LVRN: variants seen among roughly 807,000 people sequenced by gnomAD.
The protein encoded by LVRN is aminopeptidase Q.
Under a neutral mutation model 111.4 loss-of-function variants are expected in LVRN, and 99 were observed. The observed-to-expected ratio is 0.89, with a 90% CI of 0.76 to 1.05. LVRN has a LOEUF of 1.05. Ranked by LOEUF, LVRN falls within the 50% of genes least tolerant of loss-of-function variation. The pLI is 0.00. For missense variants in LVRN, 1,414 were observed against 1,206.8 expected (o/e 1.17, Z -2.54); for synonymous variants, 488 against 449.5 (o/e 1.09, Z -1.08).
chr5:116,012,953 G>A (rs538048303), intron 15 of LVRN, among the ~76,000 whole-genome samples: 1 of 152,128 alleles, frequency 6.6e-6, no homozygotes, highest in Non-Finnish European at 1.5e-5. Flanking sequence ...TTTCACAAAT[G>A]ACTTTCATAT....
At chr5:116,019,227 A>G (rs1177943797) in intron 18 of LVRN, among the ~76,000 whole-genome samples, 1 of 152,246 alleles carries the variant, frequency 6.6e-6, no homozygotes, top group African/African-American at 2.4e-5. Context: ...TAAACATAGA[A>G]AAGATAATGT....
At chr5:116,014,923 C>G (rs1484595698) in intron 16 of LVRN, among the ~76,000 whole-genome samples, 2 of 152,128 alleles carry the variant, frequency 1.3e-5, no homozygotes, top group African/African-American at 4.8e-5. Flanking sequence ...CTCTGAAACT[C>G]TCATTTTGGT....
At chr5:116,024,209 A>T (rs1298484496) in intron 19 of LVRN, among the ~76,000 whole-genome samples, 2 of 152,174 alleles carry the variant, frequency 1.3e-5, no homozygotes, top group Non-Finnish European at 2.9e-5. Context: ...GTTTAAGTAG[A>T]TCTAGTTTAT....
intron 1 of LVRN, among the ~76,000 whole-genome samples, chr5:115,971,625 T>C (rs562288445): frequency 6.6e-6 from 1 of 152,238 alleles, no homozygotes; most frequent in East Asian, 1.9e-4. Context: ...CAGTTTTTCA[T>C]ATATATATGT....
At chr5:115,983,944 A>G (rs1049711252) in intron 2 of LVRN, among the ~76,000 whole-genome samples, 1 of 152,184 alleles carries the variant, frequency 6.6e-6, no homozygotes, top group Non-Finnish European at 1.5e-5. Flanking sequence ...TTAGTTGAAA[A>G]GGGAATTTAG....
At chr5:115,970,384 CTT>C (rs3984987) in intron 1 of LVRN, among the ~76,000 whole-genome samples, 61 of 133,788 alleles carry the variant, frequency 4.6e-4, no homozygotes, top group African/African-American at 4.9e-4. Flanking sequence ...GAAATACATT[CTT>C]TTTTTTTTTT....
chr5:115,967,317 A>C (rs1753224501), intron 1 of LVRN, among the ~76,000 whole-genome samples: 1 of 152,112 alleles, frequency 6.6e-6, no homozygotes, highest in Non-Finnish European at 1.5e-5. Flanking sequence ...ATTTTTTAAG[A>C]TGTTATGTTT....
rs1008242255 is a variant in LVRN at position 115,993,871 on chromosome 5, A to C, written c.1374+17A>C. ...CTCCCAAGAGTAAGTATGTTTACTAAGTTTATTTAACATTTTTCTCCTAAT... is the reference window on the plus strand; with the variant it reads ...CTCCCAAGAGTAAGTATGTTTACTACGTTTATTTAACATTTTTCTCCTAAT... On this transcript the variant is annotated intron_variant, in intron 6 of 19. Transcript: ENST00000357872. 1 of 1,434,280 alleles carries C rather than the reference A, an allele frequency of 7.0e-7. No homozygotes were observed. The highest frequency in any genetic ancestry group is 1.4e-5 in the African/African-American group (1 of 69,858). The allele number at this position is 1,434,280 out of a possible 1,614,324, so 88.8% of individuals were successfully genotyped here. A position where few individuals can be genotyped will look rare whatever the true frequency, so the allele number is the denominator to read the frequency against.
Position 116,022,358 on chromosome 5 carries a change from T to C in LVRN, c.2757-33T>C, listed in dbSNP as rs376003907. The C allele has an allele frequency of 5.8e-4, 870 of 1,506,322 alleles. 3 individuals carry two copies. Among genetic ancestry groups the C allele is most frequent in the Middle Eastern group, 8.6e-4 (5 of 5,816 alleles). The allele number at this position is 1,506,322 out of a possible 1,614,324, so 93.3% of individuals were successfully genotyped here. A position where few individuals can be genotyped will look rare whatever the true frequency, so the allele number is the denominator to read the frequency against. On this transcript the variant is annotated intron_variant, in intron 18 of 19. Transcript: ENST00000357872. ...TATAGCTTTATTTTGCAAAATGCTT[T>C]CCACCCTTGATTAACATCTTATTGC...
chr5:116,016,400 A>G (rs1005708976), intron 18 of LVRN, among the ~76,000 whole-genome samples: 3 of 152,220 alleles, frequency 2.0e-5, no homozygotes, highest in South Asian at 4.1e-4. Flanking sequence ...GTAGTATAAA[A>G]TTATAAGTAA....
At chr5:116,014,631 G>A (rs1353342634) in intron 16 of LVRN, 104 bp downstream of exon 16, 7 of 865,122 alleles carry the variant, frequency 8.1e-6, no homozygotes, top group Non-Finnish European at 1.3e-5. Flanking sequence ...GCTTTCACTT[G>A]GTTAGGCGCT....
At chr5:115,999,372 T>G (rs1306788068) in intron 6 of LVRN, among the ~76,000 whole-genome samples, 1 of 152,302 alleles carries the variant, frequency 6.6e-6, no homozygotes, top group African/African-American at 2.4e-5. Context: ...TAAATATTCA[T>G]GAAAGAGAGA....
rs1416623431 is a variant in LVRN, at chr5:116,002,874, A to T, written c.1860A>T (p.Gly620=). 2 of 1,611,244 alleles carry T rather than the reference A, an allele frequency of 1.2e-6. No homozygotes were observed. Among genetic ancestry groups the T allele is most frequent in the Non-Finnish European group, 1.7e-6 (2 of 1,177,974 alleles). Reference sequence around the variant, plus strand: ...TCCCTATTCTTTGGATAAAAAATGGAACTACACAACCTTTAGTCTGGCTAG... The same window carrying T: ...TCCCTATTCTTTGGATAAAAAATGGTACTACACAACCTTTAGTCTGGCTAG... ...WIVPILWIKN[G]TTQPLVWLDQ... Residue 620 remains glycine (G), a synonymous_variant, in exon 11 of 20, where the codon GGA becomes GGT. Transcript: ENST00000357872.
At chr5:115,966,807 C>T (rs4920901) in intron 1 of LVRN, among the ~76,000 whole-genome samples, 74 of 152,208 alleles carry the variant, frequency 4.9e-4, no homozygotes, top group Middle Eastern at 3.4e-3. Context: ...TCATGGCCAT[C>T]ATTTGGTATT....
rs1753343954 is a variant in LVRN at position 115,972,255 on chromosome 5, A to G, written c.695+8943A>G. On this transcript the variant is annotated intron_variant, in intron 1 of 19. Coordinates refer to ENST00000357872, the MANE Select transcript of LVRN (RefSeq NM_173800.5). ...TACAAAGACAAGCCACAACTGAAAA[A>G]TAGGTTCGCAACTGTTTTATGAATT... Among the ~76,000 whole-genome samples, 3 of 152,036 alleles carry G rather than the reference A, an allele frequency of 2.0e-5. No individual in the cohort carries two copies. In the South Asian group the frequency reaches 6.2e-4, roughly 32 times the overall value.
At chr5:115,992,743 C>T (rs767300112) in intron 5 of LVRN, among the ~76,000 whole-genome samples, 6 of 152,072 alleles carry the variant, frequency 3.9e-5, no homozygotes, top group Non-Finnish European at 5.9e-5. Context: ...AATAATTAAC[C>T]CTTGAGCTGC....
At chr5:115,964,989 TGG>T (rs1228293734) in intron 1 of LVRN, among the ~76,000 whole-genome samples, 9 of 152,338 alleles carry the variant, frequency 5.9e-5, no homozygotes, top group Non-Finnish European at 7.3e-5. Flanking sequence ...CGCCAGATTC[TGG>T]GAGCCCAGCA....
intron 14 of LVRN, among the ~76,000 whole-genome samples, chr5:116,012,100 C>T (rs1027849170): frequency 2.0e-5 from 3 of 151,918 alleles, no homozygotes; most frequent in South Asian, 2.1e-4. Context: ...TGCTTTGTGC[C>T]AGGCAATGTG....
rs764322547 is a variant in LVRN, at chr5:116,012,390, G to A, written c.2264G>A (p.Arg755Lys). 1 of 1,499,014 alleles carries A rather than the reference G, an allele frequency of 6.7e-7. No homozygotes were observed. Among genetic ancestry groups the A allele is most frequent in the South Asian group, 1.2e-5 (1 of 84,688 alleles). The allele number at this position is 1,499,014 out of a possible 1,614,324, so 92.9% of individuals were successfully genotyped here. A position where few individuals can be genotyped will look rare whatever the true frequency, so the allele number is the denominator to read the frequency against. The change falls in exon 15 of 20, where the codon AGA (arginine) becomes AAA (lysine). Residue 755 changes from arginine (R) to lysine (K), a missense_variant. Coordinates refer to ENST00000357872, the MANE Select transcript of LVRN (RefSeq NM_173800.5). ...YSLLKRYLLK[R>K]LNLIWNIYST... ...TGTTTATAGAGGTACCTATTAAAGA[G>A]ACTTAATTTAATATGGAATATTTAT...
Sources: allele counts gnomAD v4.1 joint callset (sites outside exome capture counted in the v4.1 genomes callset), GRCh38; gene constraint gnomAD v4.1.1; transcripts MANE v1.5; gene names NCBI Gene and HGNC (gene_info 2026-07-23, HGNC 2026-07-21).